The following MDGA2 variants were observed in gnomAD, a reference collection of about 807,000 sequenced individuals.
MDGA2 encodes the protein MAM domain-containing glycosylphosphatidylinositol anchor protein 2.
MDGA2 carries 40 observed loss-of-function variants against 117.8 expected under a neutral mutation model. The observed-to-expected ratio is 0.34, with a 90% CI of 0.26 to 0.44. MDGA2 has a LOEUF of 0.44. Among genes scored for constraint, MDGA2 ranks in the 20% least tolerant of loss-of-function variants. The pLI is 1.00. For synonymous variants in MDGA2, 452 were observed against 439.0 expected (o/e 1.03, Z -0.37); for missense variants, 1,123 against 1,250.6 (o/e 0.90, Z 1.54).
At chr14:47,054,997 CTTTTCT>C (rs1889620355) in intron 7 of MDGA2, among the ~76,000 whole-genome samples, 1 of 79,478 alleles carries the variant, frequency 1.3e-5, no homozygotes, top group Non-Finnish European at 2.4e-5. Flanking sequence ...ATTTTTTTTT[CTTTTCT>C]TTTTTTTTTT....
At position 47,247,306 on chromosome 14, in the gene MDGA2, A is replaced by T. The variant is rs991131575; in HGVS notation, c.421-29111T>A. 5.0e-5 allele frequency among the ~76,000 whole-genome samples: 7 copies of T among 140,422 alleles called. No homozygotes were observed. In the South Asian group the frequency reaches 1.1e-3, roughly 23 times the overall value. 92.1% of individuals were successfully genotyped at this position (140,422 alleles called of 152,430 possible). On this transcript the variant is annotated intron_variant, in intron 2 of 16. Transcript: ENST00000399232. ...TCCCATAGTGCTGATATAGTTTCAT[A>T]TTTTTTTTTTTTTTTTGAGACAGGG...
chr14:47,100,433 TAA>T (rs1401417053), intron 5 of MDGA2, among the ~76,000 whole-genome samples: 17 of 152,110 alleles, frequency 1.1e-4, no homozygotes, highest in African/African-American at 3.6e-4. Flanking sequence ...CAGCATGTGT[TAA>T]TTGAATTATC....
chr14:47,103,773 C>T (rs1388777444), intron 5 of MDGA2, among the ~76,000 whole-genome samples: 4 of 152,176 alleles, frequency 2.6e-5, no homozygotes, highest in African/African-American at 4.8e-5. Flanking sequence ...GCTTTGTTTG[C>T]CTGGCACAGT....
At chr14:47,131,963 C>T in intron 4 of MDGA2, 117 bp from the exon 5 acceptor site, 1 of 806,598 alleles carries the variant, frequency 1.2e-6, no homozygotes, top group Non-Finnish European at 1.7e-6. Context: ...ATATGACAGA[C>T]TGTCTTTTTT....
At chr14:47,456,185 G>A (rs934186759) in intron 1 of MDGA2, among the ~76,000 whole-genome samples, 11 of 151,924 alleles carry the variant, frequency 7.2e-5, no homozygotes, top group Admixed American at 2.6e-4. Context: ...TATGACTTTA[G>A]GGGATATAAT....
intron 1 of MDGA2, among the ~76,000 whole-genome samples, chr14:47,408,101 G>A (rs1181388179): frequency 7.3e-6 from 1 of 136,392 alleles, no homozygotes; most frequent in Non-Finnish European, 1.5e-5. Context: ...CTGTTGCCAG[G>A]CTGGAGTGCA....
At chr14:47,425,783 AAG>A (rs779406118) in intron 1 of MDGA2, among the ~76,000 whole-genome samples, 4 of 152,142 alleles carry the variant, frequency 2.6e-5, no homozygotes, top group East Asian at 1.9e-4. Context: ...AGACTTGCAA[AAG>A]AGAGAGTGCC....
At chr14:47,498,934 T>A (rs1399087527) in intron 1 of MDGA2, among the ~76,000 whole-genome samples, 2 of 152,172 alleles carry the variant, frequency 1.3e-5, no homozygotes, top group Non-Finnish European at 2.9e-5. Context: ...TTATAATTTA[T>A]GAAACTACAG....
Position 46,889,788 on chromosome 14 carries a change from C to T in MDGA2, c.2239-7567G>A, listed in dbSNP as rs188017264. Reference sequence around the variant, plus strand: ...TGAAAATTTGACTCAGTCTACCCTACTATGCTACTTGAGGGCTCCCCCAAG... The same window carrying T: ...TGAAAATTTGACTCAGTCTACCCTATTATGCTACTTGAGGGCTCCCCCAAG... On this transcript the variant is annotated intron_variant, in intron 10 of 16. Coordinates refer to ENST00000399232, the MANE Select transcript of MDGA2 (RefSeq NM_001113498.3). Among the ~76,000 whole-genome samples, 54 of 152,188 alleles carry T rather than the reference C, an allele frequency of 3.5e-4. 3 individuals are homozygous for T. In the South Asian group the frequency reaches 7.7e-3, roughly 22 times the overall value.
intron 9 of MDGA2, among the ~76,000 whole-genome samples, chr14:46,923,019 A>T (rs1884192703): frequency 6.6e-6 from 1 of 152,232 alleles, no homozygotes; most frequent in Non-Finnish European, 1.5e-5. Context: ...TTATTCTAGG[A>T]ACATTATTTA....
chr14:47,098,644 A>C (rs1011907559), intron 5 of MDGA2, among the ~76,000 whole-genome samples: 3 of 151,892 alleles, frequency 2.0e-5, no homozygotes, highest in Non-Finnish European at 2.9e-5. Context: ...ATGAAGAGGT[A>C]AAGAAAATCT....
intron 2 of MDGA2, 112 bp downstream of exon 2, chr14:47,301,294 CCCACA>C: frequency 8.8e-6 from 9 of 1,019,108 alleles, no homozygotes; most frequent in Non-Finnish European, 1.2e-5. Context: ...CCCACACCCA[CCCACA>C]CACACACACA....
chr14:47,139,883 C>CAT (rs368412441), intron 4 of MDGA2, among the ~76,000 whole-genome samples: 3,365 of 120,876 alleles, frequency 0.028, 111 homozygotes, highest in African/African-American at 0.091. Context: ...CACACACACA[C>CAT]ATATATATAT....
At chr14:46,982,821 T>C (rs1886732103) in intron 8 of MDGA2, among the ~76,000 whole-genome samples, 1 of 151,442 alleles carries the variant, frequency 6.6e-6, no homozygotes, top group African/African-American at 2.4e-5. Flanking sequence ...CTGATTGCCC[T>C]GGCCAGAACT....
chr14:47,462,733 AT>A (rs148725077), intron 1 of MDGA2, among the ~76,000 whole-genome samples: 3,240 of 150,150 alleles, frequency 0.022, 106 homozygotes, highest in African/African-American at 0.073. Context: ...ACAATGAAGC[AT>A]TTTTTTTTTA....
chr14:46,849,487 T>C (rs996002987), intron 15 of MDGA2, among the ~76,000 whole-genome samples: 1 of 151,876 alleles, frequency 6.6e-6, no homozygotes, highest in African/African-American at 2.4e-5. Context: ...GACTAAGATC[T>C]AGAGAGAGCA....
intron 1 of MDGA2, among the ~76,000 whole-genome samples, chr14:47,451,094 C>G (rs890300258): frequency 6.6e-6 from 1 of 152,098 alleles, no homozygotes; most frequent in Non-Finnish European, 1.5e-5. Context: ...TACTACAACC[C>G]TCTGACTCCT....
At chr14:47,061,000 T>G (rs2138783604) in intron 7 of MDGA2, among the ~76,000 whole-genome samples, 1 of 152,076 alleles carries the variant, frequency 6.6e-6, no homozygotes, top group East Asian at 1.9e-4. Context: ...CTTATAAGCC[T>G]ATATCTATCT....
chr14:47,201,493 G>A (rs2139444139), intron 3 of MDGA2, among the ~76,000 whole-genome samples: 1 of 152,236 alleles, frequency 6.6e-6, no homozygotes, highest in East Asian at 1.9e-4. Flanking sequence ...CAACCTGACT[G>A]AAACCTTAGT....
Sources: gnomAD v4.1 joint callset for allele counts (sites outside exome capture counted in the v4.1 genomes callset) on GRCh38, gnomAD v4.1.1 for gene constraint, MANE v1.5 for transcripts, NCBI Gene and HGNC (gene_info 2026-07-23, HGNC 2026-07-21) for gene names.